Variants in IRAG1 observed in about 807,000 individuals in gnomAD.
IRAG1 encodes IP3R-associated cGMP kinase substrate.
Under a neutral mutation model 106.2 loss-of-function variants are expected in IRAG1, and 62 were observed. The ratio of observed to expected loss-of-function variants is 0.58; its 90% CI spans 0.48 to 0.72. The LOEUF (loss-of-function observed/expected upper bound fraction) is 0.72, where lower values mean the gene tolerates loss of function less well. IRAG1 is among the 30% of genes least tolerant of loss of function. The pLI is 0.00. For missense variants in IRAG1, 1,064 were observed against 1,140.7 expected (o/e 0.93, Z 0.97); for synonymous variants, 462 against 443.9 (o/e 1.04, Z -0.51).
At chr11:10,611,353 C>A (rs570729647) in intron 10 of IRAG1, among the ~76,000 whole-genome samples, 1 of 152,266 alleles carries the variant, frequency 6.6e-6, no homozygotes, top group South Asian at 2.1e-4. Context: ...ATCATTCTAC[C>A]TTTATGTATG....
intron 15 of IRAG1, among the ~76,000 whole-genome samples, chr11:10,595,060 G>T (rs1455518736): frequency 6.6e-6 from 1 of 152,154 alleles, no homozygotes; most frequent in Non-Finnish European, 1.5e-5. Flanking sequence ...AAGTAGCTGG[G>T]ATTACAGATG....
chr11:10,585,770 C>T (rs1564890911), intron 18 of IRAG1, among the ~76,000 whole-genome samples: 1 of 152,046 alleles, frequency 6.6e-6, no homozygotes. Context: ...GGTATTATCC[C>T]ATTTCACAGA....
chr11:10,596,093 T>C (rs567814262), intron 15 of IRAG1, among the ~76,000 whole-genome samples: 1 of 152,348 alleles, frequency 6.6e-6, no homozygotes, highest in South Asian at 2.1e-4. Context: ...TTATCCAATA[T>C]GTCATTGATG....
In IRAG1 at chr11:10,604,412, G is replaced by A; in HGVS notation, c.1736C>T (p.Ser579Phe). The change falls in exon 13 of 21, where the codon TCC (serine) becomes TTC (phenylalanine). Residue 579 changes from serine (S) to phenylalanine (F), a missense_variant. Physicochemically the swap from Ser to Phe is radical, Grantham distance 155 (BLOSUM62 -2). Transcript: ENST00000423302. ...ATCAGGCTCCACAATTACCGTAATG[G>A]AAGCTTTGAAGTTTTCCAGTTCTTT... Reference protein sequence around the residue: ...TEKELENFKASITSSASLWHH... With the variant: ...TEKELENFKAFITSSASLWHH... The A allele has an allele frequency of 6.2e-7, 1 of 1,614,022 alleles. No homozygotes were observed. The highest frequency in any genetic ancestry group is 1.3e-5 in the African/African-American group (1 of 75,054).
intron 2 of IRAG1, among the ~76,000 whole-genome samples, chr11:10,639,003 C>A (rs1419397286): frequency 6.6e-6 from 1 of 152,140 alleles, no homozygotes; most frequent in Admixed American, 6.5e-5. Context: ...CTCACTGCAA[C>A]CTCCGCCTCC....
intron 2 of IRAG1, among the ~76,000 whole-genome samples, chr11:10,644,768 C>G (rs1440222091): frequency 1.3e-5 from 2 of 152,176 alleles, no homozygotes; most frequent in Non-Finnish European, 2.9e-5. Context: ...TCATTCCTGA[C>G]AGATAATTGA....
intron 18 of IRAG1, among the ~76,000 whole-genome samples, chr11:10,582,792 C>T (rs1048661893): frequency 3.3e-5 from 5 of 152,108 alleles, no homozygotes; most frequent in African/African-American, 1.2e-4. Context: ...CCCATCTCTA[C>T]TAAAAATACA....
At chr11:10,599,463 GGAAAATGGTTA>G (rs1380916520) in intron 15 of IRAG1, among the ~76,000 whole-genome samples, 1 of 152,142 alleles carries the variant, frequency 6.6e-6, no homozygotes, top group Non-Finnish European at 1.5e-5. Flanking sequence ...CAACACTGAC[GGAAAATGGTTA>G]GAGGCCTAGG....
intron 3 of IRAG1, 101 bp downstream of exon 3, chr11:10,633,867 G>T (rs1856930985): frequency 1.6e-6 from 1 of 637,284 alleles, no homozygotes; most frequent in Admixed American, 3.7e-5. Flanking sequence ...TCAATAAAAT[G>T]ATACAAGAAA....
rs1427251909 is a variant in IRAG1, at chr11:10,592,162, G to A, written c.2176-550C>T. On this transcript the variant is annotated intron_variant, in intron 17 of 20. Coordinates refer to ENST00000423302, the MANE Select transcript of IRAG1 (RefSeq NM_130385.4). Reference sequence around the variant, plus strand: ...GGTTTAAGTAATGGTTCTCAATGTTGGCTGCACATTAGAATCACCTGGGGG... The same window carrying A: ...GGTTTAAGTAATGGTTCTCAATGTTAGCTGCACATTAGAATCACCTGGGGG... Among the ~76,000 whole-genome samples, 5 of 152,234 alleles carry A rather than the reference G, an allele frequency of 3.3e-5. No homozygotes were observed. The East Asian group carries it at 9.6e-4, about 29-fold the overall frequency.
chr11:10,604,073 G>A (rs1854274604), intron 13 of IRAG1, among the ~76,000 whole-genome samples: 1 of 152,220 alleles, frequency 6.6e-6, no homozygotes, highest in South Asian at 2.1e-4. Context: ...CCTCTGCAGG[G>A]CCTGGGCCAC....
In IRAG1 at chr11:10,628,410, A is replaced by G. The variant is rs958390846; in HGVS notation, c.652+341T>C. Among the ~76,000 whole-genome samples, 5 of 152,294 alleles carry G rather than the reference A, an allele frequency of 3.3e-5. No individual in the cohort carries two copies. The highest frequency in any genetic ancestry group is 2.0e-4 in the Admixed American group (3 of 15,314). ...ACAGCCTAATGAAAGGGAAGAAGTC[A>G]GACCCCAAAGAGGCCTTTCTGTATA... On this transcript the variant is annotated intron_variant, in intron 6 of 20. Coordinates refer to ENST00000423302, the MANE Select transcript of IRAG1 (RefSeq NM_130385.4). The surrounding 1 kb of genome is among the most constrained non-coding windows in gnomAD (Gnocchi z 4.1).
Position 10,626,120 on chromosome 11 carries a change from C to A in IRAG1, c.1214G>T (p.Arg405Leu). ...CAGCTTGGCAAGCACTTTCTGCAGC[C>A]GGGGGCCAGGTTCTTCAGGGCCACT... The part of the protein sequence containing the change: ...WDSGPEEPGP[R>L]LQKVLAKLPL... Residue 405 changes from arginine (R) to leucine (L), a missense_variant, in exon 9 of 21, where the codon CGG becomes CTG. Coordinates refer to ENST00000423302, the MANE Select transcript of IRAG1 (RefSeq NM_130385.4). The A allele has an allele frequency of 1.3e-6, 2 of 1,544,574 alleles. No homozygotes were observed. The highest frequency in any genetic ancestry group is 1.7e-6 in the Non-Finnish European group (2 of 1,144,886).
At chr11:10,642,418 C>T (rs1236182460) in intron 2 of IRAG1, among the ~76,000 whole-genome samples, 1 of 152,208 alleles carries the variant, frequency 6.6e-6, no homozygotes, top group East Asian at 1.9e-4. Context: ...CATGGCTAGG[C>T]CCAGGCTAGG....
chr11:10,639,690 C>G (rs1322799058), intron 2 of IRAG1, among the ~76,000 whole-genome samples: 2 of 152,152 alleles, frequency 1.3e-5, no homozygotes, highest in Non-Finnish European at 2.9e-5. Context: ...TACCTTCTTT[C>G]TCTTTTTCTC....
At chr11:10,680,734 CA>C (rs2135200637) in intron 1 of IRAG1, among the ~76,000 whole-genome samples, 1 of 152,216 alleles carries the variant, frequency 6.6e-6, no homozygotes, top group East Asian at 1.9e-4. Flanking sequence ...TTCTATGCCT[CA>C]GTTTCCTCAC....
At chr11:10,679,633 C>T (rs922435840) in intron 1 of IRAG1, among the ~76,000 whole-genome samples, 5 of 152,208 alleles carry the variant, frequency 3.3e-5, no homozygotes, top group African/African-American at 7.2e-5. Flanking sequence ...TGAGAGCTTT[C>T]CTTAGCAGTT....
At chr11:10,648,481 G>A (rs1858162170) in intron 2 of IRAG1, among the ~76,000 whole-genome samples, 1 of 152,206 alleles carries the variant, frequency 6.6e-6, no homozygotes, top group Admixed American at 6.5e-5. Flanking sequence ...GTGACTGAGT[G>A]GGGCTCACGT....
intron 2 of IRAG1, among the ~76,000 whole-genome samples, chr11:10,641,109 G>C (rs567573896): frequency 6.6e-6 from 1 of 152,042 alleles, no homozygotes; most frequent in Admixed American, 6.6e-5. Flanking sequence ...TCTGGGCTCA[G>C]GTGATCCTCT....
Sources: allele counts gnomAD v4.1 joint callset (sites outside exome capture counted in the v4.1 genomes callset), GRCh38; gene constraint gnomAD v4.1.1; non-coding constraint Gnocchi (gnomAD v3.1); transcripts MANE v1.5; gene names NCBI Gene and HGNC (gene_info 2026-07-23, HGNC 2026-07-21).